CGGBP1: variants seen among roughly 807,000 people sequenced by gnomAD.
CGGBP1 encodes the protein CGG triplet repeat binding protein 1, also known as CGG triplet repeat-binding protein 1.
A neutral mutation model predicts 11.4 loss-of-function variants in CGGBP1; 4 were observed. That is an observed-to-expected ratio of 0.35 (90% CI 0.17 to 0.80). CGGBP1 has a LOEUF of 0.80. Ranked by LOEUF, CGGBP1 falls within the 30% of genes least tolerant of loss-of-function variation. CGGBP1 has a pLI of 0.52. For missense variants in CGGBP1, 135 were observed against 202.1 expected (o/e 0.67, Z 2.01); for synonymous variants, 76 against 74.1 (o/e 1.03, Z -0.13).
chr3:88,057,531 C>T (rs1706582469), intron 2 of CGGBP1: 1 of 152,022 alleles, frequency 6.6e-6, no homozygotes, highest in African/African-American at 2.4e-5. Flanking sequence ...TGGTTCTAAC[C>T]TAGTTGTGGT....
chr3:88,105,621 T>G (rs1286778446), intron 2 of CGGBP1, among the ~76,000 whole-genome samples: 1 of 152,198 alleles, frequency 6.6e-6, no homozygotes, highest in Non-Finnish European at 1.5e-5. Flanking sequence ...CTTGTACCAT[T>G]TTGTATAACC....
intron 2 of CGGBP1, among the ~76,000 whole-genome samples, chr3:88,120,059 A>G (rs1249276568): frequency 2.5e-5 from 3 of 118,094 alleles, no homozygotes; most frequent in Non-Finnish European, 5.4e-5. Flanking sequence ...CAATAAATAC[A>G]TAATTCTACT....
intron 2 of CGGBP1, among the ~76,000 whole-genome samples, chr3:88,127,456 A>AG (rs1706182734): frequency 6.6e-6 from 1 of 150,392 alleles, no homozygotes; most frequent in East Asian, 2.0e-4. Context: ...TAAAAAAAAA[A>AG]CTAAAAGGGA....
chr3:88,128,869 T>C, intron 2 of CGGBP1: 1 of 1,535,626 alleles, frequency 6.5e-7, no homozygotes, highest in Non-Finnish European at 8.7e-7. Context: ...AGATACCTAA[T>C]TGCTTGTGAA....
intron 2 of CGGBP1, among the ~76,000 whole-genome samples, chr3:88,087,722 T>C (rs920800013): frequency 1.3e-5 from 2 of 152,224 alleles, no homozygotes; most frequent in Admixed American, 6.5e-5. Flanking sequence ...AGAGTATGTC[T>C]CATAGGATAA....
intron 1 of CGGBP1, chr3:88,143,218 T>A (rs1193367512): frequency 6.6e-6 from 1 of 152,166 alleles, no homozygotes; most frequent in African/African-American, 2.4e-5. Context: ...TCATGATAGA[T>A]CAGATGATTT....
At chr3:88,092,659 TTTGC>T (rs1258840555) in intron 2 of CGGBP1, among the ~76,000 whole-genome samples, 4 of 152,224 alleles carry the variant, frequency 2.6e-5, no homozygotes, top group Non-Finnish European at 4.4e-5. Context: ...AAATTTTTTA[TTTGC>T]TTGACATATG....
At chr3:88,099,303 T>A (rs1480273225) in intron 2 of CGGBP1, among the ~76,000 whole-genome samples, 1 of 152,202 alleles carries the variant, frequency 6.6e-6, no homozygotes, top group Non-Finnish European at 1.5e-5. Flanking sequence ...CAAGGAGAAC[T>A]GCAAATCACT....
chr3:88,142,904 T>G (rs1438046492), intron 1 of CGGBP1: 1 of 152,274 alleles, frequency 6.6e-6, no homozygotes, highest in Non-Finnish European at 1.5e-5. Flanking sequence ...CAATAAATAT[T>G]TTTAAAAATA....
chr3:88,071,632 TC>T (rs1707518800), intron 2 of CGGBP1, among the ~76,000 whole-genome samples: 1 of 75,430 alleles, frequency 1.3e-5, no homozygotes, highest in South Asian at 7.1e-4. Flanking sequence ...CGAGACTCCA[TC>T]TCAAAAACAA....
intron 2 of CGGBP1, among the ~76,000 whole-genome samples, chr3:88,133,811 G>A (rs1706605741): frequency 6.6e-6 from 1 of 152,050 alleles, no homozygotes; most frequent in Non-Finnish European, 1.5e-5. Flanking sequence ...GGGCCTAAAA[G>A]GGTAACATTG....
chr3:88,147,481 T>G (rs1259641302), intron 1 of CGGBP1, among the ~76,000 whole-genome samples: 1 of 152,130 alleles, frequency 6.6e-6, no homozygotes, highest in African/African-American at 2.4e-5. Flanking sequence ...CTGGAGAGAT[T>G]GACAGAATAA....
chr3:88,138,771 G>A, intron 2 of CGGBP1: 1 of 1,231,994 alleles, frequency 8.1e-7, no homozygotes, highest in Non-Finnish European at 1.0e-6. Context: ...CGACCTTCAT[G>A]ATGATCCCAA....
intron 2 of CGGBP1, chr3:88,129,094 T>C: frequency 1.0e-6 from 1 of 998,868 alleles, no homozygotes; most frequent in South Asian, 1.7e-5. Flanking sequence ...CCACTGTTGT[T>C]GTTAAATTCC....
chr3:88,097,480 A>G (rs1472074215), intron 2 of CGGBP1, among the ~76,000 whole-genome samples: 1 of 152,130 alleles, frequency 6.6e-6, no homozygotes, highest in Admixed American at 6.6e-5. Flanking sequence ...CACCAAGCAG[A>G]CCTAACAGAC....
intron 2 of CGGBP1, among the ~76,000 whole-genome samples, chr3:88,103,919 C>T (rs1400227984): frequency 6.6e-6 from 1 of 151,688 alleles, no homozygotes; most frequent in Non-Finnish European, 1.5e-5. Flanking sequence ...GGTGCCCGCC[C>T]CTATGCCTGG....
At chr3:88,091,285 T>C (rs556436598) in intron 2 of CGGBP1, among the ~76,000 whole-genome samples, 13 of 152,318 alleles carry the variant, frequency 8.5e-5, no homozygotes, top group African/African-American at 2.4e-4. Context: ...ACTGGCTACG[T>C]AGACAAAAAT....
At position 88,143,480 on chromosome 3, in the gene CGGBP1, T is replaced by C. The variant is rs533100707; in HGVS notation, c.-337-2402A>G. 3 of 152,460 alleles carry C rather than the reference T, an allele frequency of 2.0e-5. No homozygotes were observed. The South Asian group carries it at 6.2e-4, about 32-fold the overall frequency. 9.4% of individuals were successfully genotyped at this position (152,460 alleles called of 1,614,324 possible). The stretch of plus-strand genomic sequence containing the variant: ...TATTTTAGTTCATTCTAAAAGTATG[T>C]CTTGTAATAAAAAGTCTGTTTGGAA... On this transcript the variant is annotated intron_variant, in intron 1 of 3. Coordinates refer to the CGGBP1 transcript ENST00000462901.
At chr3:88,113,409 ATTC>A (rs1705209131) in intron 2 of CGGBP1, among the ~76,000 whole-genome samples, 1 of 152,164 alleles carries the variant, frequency 6.6e-6, no homozygotes, top group African/African-American at 2.4e-5. Flanking sequence ...TGGAATTCCT[ATTC>A]TACATTTGTT....
Sources: allele counts gnomAD v4.1 joint callset (sites outside exome capture counted in the v4.1 genomes callset), GRCh38; gene constraint gnomAD v4.1.1; transcripts MANE v1.5; gene names NCBI Gene and HGNC (gene_info 2026-07-23, HGNC 2026-07-21).